SPG7: variants seen among roughly 807,000 people sequenced by gnomAD.
SPG7 encodes the protein SPG7 matrix AAA peptidase subunit, paraplegin, also known as mitochondrial inner membrane m-AAA protease component paraplegin.
SPG7 carries 103 observed loss-of-function variants against 81.9 expected under a neutral mutation model. The observed-to-expected ratio is 1.26, with a 90% CI of 1.07 to 1.48. The LOEUF (loss-of-function observed/expected upper bound fraction) is 1.48, where lower values mean the gene tolerates loss of function less well. SPG7 is among the 40% of genes most tolerant of loss of function. SPG7 has a pLI of 0.00. For missense variants in SPG7, 1,241 were observed against 1,087.3 expected (o/e 1.14, Z -1.99); for synonymous variants, 534 against 444.2 (o/e 1.20, Z -2.54).
Position 89,513,059 on chromosome 16 carries a change from C to T in SPG7, c.376+22C>T, listed in dbSNP as rs765869103. On this transcript the variant is annotated intron_variant, in intron 3 of 16. Coordinates refer to ENST00000645818, the MANE Select transcript of SPG7 (RefSeq NM_003119.4). ...GAAGGTATATTCATCTGATGTTCTT[C>T]AGTCAGTAGCTGCCTCTGGATGTCT... The T allele has an allele frequency of 1.2e-5, 19 of 1,586,252 alleles. No homozygotes were observed. In the South Asian group the frequency reaches 1.7e-4, roughly 14 times the overall value.
At chr16:89,517,098 C>T (rs2058107837) in intron 3 of SPG7, 1 of 152,352 alleles carries the variant, frequency 6.6e-6, no homozygotes, top group African/African-American at 2.4e-5. Flanking sequence ...TGTCCGTGAT[C>T]ATACATAGCT....
Position 89,554,545 on chromosome 16 carries a change from C to G in SPG7, c.2163C>G (p.Asn721Lys), listed in dbSNP as rs2058667988. ...ACACCGAGAAGGTGCTGCAGGACAA[C>G]CTGGACAAGTTGCAGGCGGTGAGGC... ...YRHTEKVLQDNLDKLQALANA... is the reference protein window; with the variant it reads ...YRHTEKVLQDKLDKLQALANA... The change falls in exon 16 of 17, where the codon AAC becomes AAG. Residue 721 changes from asparagine to lysine, a missense_variant. Asn to Lys is a moderately conservative substitution (Grantham distance 94). Coordinates refer to ENST00000645818, the MANE Select transcript of SPG7 (RefSeq NM_003119.4). 1 of 1,609,468 alleles carries G rather than the reference C, an allele frequency of 6.2e-7. No individual in the cohort carries two copies. Among genetic ancestry groups the G allele is most frequent in the Non-Finnish European group, 8.5e-7 (1 of 1,179,778 alleles).
In SPG7 at chr16:89,553,042, C is replaced by T; in HGVS notation, c.1843C>T (p.His615Tyr). Residue 615 changes from histidine to tyrosine, a missense_variant, in exon 14 of 17, where the codon CAC (histidine) becomes TAC (tyrosine). Physicochemically the swap from His to Tyr is moderately conservative, Grantham distance 83 (BLOSUM62 2). Transcript: ENST00000645818. ...GFAQMLPRDQ[H>Y]LFTKEQLFER... ...TGCTCAGATGCTCCCCAGAGACCAG[C>T]ACCTCTTCACCAAGGAGCAGCTGTT... is the stretch of plus-strand genomic sequence containing the variant. 6.2e-7 allele frequency: 1 copy of T among 1,614,038 alleles called. No homozygotes were observed. Among genetic ancestry groups the T allele is most frequent in the Non-Finnish European group, 8.5e-7 (1 of 1,179,970 alleles).
chr16:89,520,055 A>G (rs1020175721), intron 3 of SPG7: 4 of 152,290 alleles, frequency 2.6e-5, no homozygotes, highest in African/African-American at 4.8e-5. Context: ...CTCAGGAGGC[A>G]TGTGCGTTTC....
At chr16:89,508,903 C>T (rs1567892126) in intron 1 of SPG7, 6 of 591,542 alleles carry the variant, frequency 1.0e-5, no homozygotes, top group Non-Finnish European at 9.6e-6. Context: ...AAAGTGGAAT[C>T]CAGTAACGGT....
At chr16:89,514,811 G>C (rs1362116056) in intron 3 of SPG7, among the ~76,000 whole-genome samples, 3 of 151,536 alleles carry the variant, frequency 2.0e-5, no homozygotes, top group Non-Finnish European at 4.4e-5. Flanking sequence ...TTTTTGTATA[G>C]TAGAGATGAG....
rs367834460 is a variant in SPG7 at position 89,512,935 on chromosome 16, C to G, written c.287-13C>G. The G allele has an allele frequency of 9.9e-6, 16 of 1,612,218 alleles. No homozygotes were observed. The highest frequency in any genetic ancestry group is 6.7e-5 in the African/African-American group (5 of 74,838). ...AAAACTTAATTGTTAAATCCTTTCTCTATTTCTCATAGGTGGTACTTTCTA... is the reference window on the plus strand; with the variant it reads ...AAAACTTAATTGTTAAATCCTTTCTGTATTTCTCATAGGTGGTACTTTCTA... On this transcript the variant is annotated splice_polypyrimidine_tract_variant and intron_variant, in intron 2 of 16. Coordinates refer to ENST00000645818, the MANE Select transcript of SPG7 (RefSeq NM_003119.4).
intron 10 of SPG7, 62 bp downstream of exon 10, chr16:89,544,834 G>A: frequency 6.2e-7 from 1 of 1,600,428 alleles, no homozygotes; most frequent in Non-Finnish European, 8.5e-7. Flanking sequence ...GCTCTGAGTG[G>A]TCTGGCCTCT....
intron 3 of SPG7, chr16:89,521,258 C>T (rs971420154): frequency 1.3e-5 from 2 of 152,264 alleles, no homozygotes; most frequent in Admixed American, 1.3e-4. Flanking sequence ...CTAGGCTCTC[C>T]CGAGGGCTGT....
intron 3 of SPG7, among the ~76,000 whole-genome samples, chr16:89,514,149 T>C (rs2058059350): frequency 6.6e-6 from 1 of 152,070 alleles, no homozygotes; most frequent in African/African-American, 2.4e-5. Flanking sequence ...TTTAGGCTCA[T>C]CTTCAGCTTA....
intron 5 of SPG7, chr16:89,526,774 C>A (rs1379319724): frequency 5.3e-6 from 2 of 377,150 alleles, no homozygotes; most frequent in Non-Finnish European, 1.0e-5. Flanking sequence ...AAGTCTCAGC[C>A]CCCGACGTAA....
chr16:89,546,962 C>T (rs2058572366), intron 11 of SPG7: 1 of 581,390 alleles, frequency 1.7e-6, no homozygotes, highest in South Asian at 1.8e-5. Flanking sequence ...CGTCCTCCGC[C>T]CCGGGGTGGA....
intron 1 of SPG7, chr16:89,508,887 C>T (rs1477740416): frequency 1.6e-6 from 1 of 623,000 alleles, no homozygotes; most frequent in South Asian, 1.5e-5. Flanking sequence ...GTCTTCCTCG[C>T]CTTTTAAAGT....
chr16:89,554,435 C>T (rs745801518), intron 15 of SPG7, 51 bp from the exon 16 acceptor site: 5 of 1,290,886 alleles, frequency 3.9e-6, no homozygotes, highest in Non-Finnish European at 4.4e-6. Context: ...TGCTTTGGTG[C>T]TGGAGCCAGG....
At chr16:89,555,680 G>T (rs1307969695) in intron 16 of SPG7, 1 of 394,416 alleles carries the variant, frequency 2.5e-6, no homozygotes, top group Non-Finnish European at 4.5e-6. Flanking sequence ...CTCATGTTTT[G>T]TAGGACGTTC....
At chr16:89,530,964 G>T in intron 7 of SPG7, 156 bp downstream of exon 7, 1 of 973,108 alleles carries the variant, frequency 1.0e-6, no homozygotes, top group Non-Finnish European at 1.6e-6. Context: ...GCAGGTGCTG[G>T]TGCCTGTTCA....
intron 14 of SPG7, 165 bp from the exon 15 acceptor site, chr16:89,553,629 A>T (rs1428424522): frequency 3.1e-6 from 2 of 646,212 alleles, no homozygotes; most frequent in Non-Finnish European, 5.4e-6. Flanking sequence ...CTTAAGGAAC[A>T]GTGGTGAGGT....
chr16:89,529,999 C>T, intron 6 of SPG7: 1 of 307,580 alleles, frequency 3.3e-6, no homozygotes, highest in Non-Finnish European at 6.3e-6. Flanking sequence ...GCCACCACGT[C>T]CAGCTAATTT....
At chr16:89,534,135 C>G (rs912424485) in intron 9 of SPG7, among the ~76,000 whole-genome samples, 4 of 152,230 alleles carry the variant, frequency 2.6e-5, no homozygotes, top group African/African-American at 9.6e-5. Context: ...CTCTTCAAAC[C>G]GAAAACCTGT....
Sources: gnomAD v4.1 joint callset for allele counts (sites outside exome capture counted in the v4.1 genomes callset) on GRCh38, gnomAD v4.1.1 for gene constraint, MANE v1.5 for transcripts, NCBI Gene and HGNC (gene_info 2026-07-23, HGNC 2026-07-21) for gene names.